Variants in SPAG16 observed in about 807,000 individuals in gnomAD.
SPAG16 encodes the protein sperm-associated antigen 16 protein.
A neutral mutation model predicts 80.4 loss-of-function variants in SPAG16; 86 were observed. That is an observed-to-expected ratio of 1.07 (90% CI 0.90 to 1.28). SPAG16 has a LOEUF of 1.28. Among genes scored for constraint, SPAG16 ranks in the 50% most tolerant of loss-of-function variants. SPAG16 has a pLI of 0.00. For synonymous variants in SPAG16, 294 were observed against 265.9 expected (o/e 1.11, Z -1.03); for missense variants, 870 against 765.3 (o/e 1.14, Z -1.61).
chr2:213,639,554 G>A (rs571487079), intron 10 of SPAG16, among the ~76,000 whole-genome samples: 1 of 152,118 alleles, frequency 6.6e-6, no homozygotes, highest in African/African-American at 2.4e-5. Context: ...TTTTTAAGGA[G>A]GCTAAAGATA....
chr2:213,940,993 A>C (rs1193726547), intron 12 of SPAG16, among the ~76,000 whole-genome samples: 1 of 152,202 alleles, frequency 6.6e-6, no homozygotes, highest in African/African-American at 2.4e-5. Context: ...ACCACTGAGG[A>C]ACCAATCCCT....
chr2:213,980,124 G>T (rs2106410357), intron 12 of SPAG16, among the ~76,000 whole-genome samples: 1 of 150,816 alleles, frequency 6.6e-6, no homozygotes, highest in Non-Finnish European at 1.5e-5. Flanking sequence ...GGCTGAGGTG[G>T]GTAGATCACG....
At chr2:213,438,404 T>C (rs2070757273) in intron 9 of SPAG16, among the ~76,000 whole-genome samples, 1 of 152,216 alleles carries the variant, frequency 6.6e-6, no homozygotes. Context: ...TTTAAACCTG[T>C]GATGGCAAGC....
At chr2:213,566,919 A>G (rs1224335118) in intron 10 of SPAG16, among the ~76,000 whole-genome samples, 2 of 152,196 alleles carry the variant, frequency 1.3e-5, no homozygotes, top group Non-Finnish European at 2.9e-5. Flanking sequence ...TTTTCTGAAC[A>G]CATCTTTTGA....
intron 10 of SPAG16, among the ~76,000 whole-genome samples, chr2:213,614,484 C>T (rs1426985204): frequency 6.6e-6 from 1 of 152,168 alleles, no homozygotes; most frequent in East Asian, 1.9e-4. Flanking sequence ...TGATGCCTGG[C>T]TTATTGCAGA....
chr2:213,432,134 A>T (rs1239730686), intron 9 of SPAG16, among the ~76,000 whole-genome samples: 2 of 152,126 alleles, frequency 1.3e-5, no homozygotes, highest in Non-Finnish European at 2.9e-5. Context: ...TGGCTGCATT[A>T]AAAGAAGAAA....
At chr2:214,167,778 A>G (rs1443335375) in intron 15 of SPAG16, among the ~76,000 whole-genome samples, 1 of 151,586 alleles carries the variant, frequency 6.6e-6, no homozygotes, top group Admixed American at 6.6e-5. Flanking sequence ...TATATATTTG[A>G]TAATATAATG....
chr2:213,585,004 C>A (rs1055863759), intron 10 of SPAG16, among the ~76,000 whole-genome samples: 1 of 151,292 alleles, frequency 6.6e-6, no homozygotes, highest in Non-Finnish European at 1.5e-5. Flanking sequence ...GCCTGGCCAA[C>A]ATGGCGAAAC....
intron 11 of SPAG16, among the ~76,000 whole-genome samples, chr2:213,880,741 C>G (rs1233615880): frequency 6.6e-6 from 1 of 152,100 alleles, no homozygotes; most frequent in Non-Finnish European, 1.5e-5. Context: ...GAGTCCTTTC[C>G]CCATCGCATA....
chr2:213,441,493 C>A (rs1341837475), intron 9 of SPAG16, among the ~76,000 whole-genome samples: 1 of 152,126 alleles, frequency 6.6e-6, no homozygotes, highest in African/African-American at 2.4e-5. Flanking sequence ...GGGGTAGTGA[C>A]AAAATGGAAT....
chr2:213,942,793 G>T (rs1401144334), intron 12 of SPAG16, among the ~76,000 whole-genome samples: 1 of 152,140 alleles, frequency 6.6e-6, no homozygotes, highest in African/African-American at 2.4e-5. Context: ...TCAAAAGTGT[G>T]CATATAGGAA....
At chr2:213,749,649 T>C (rs1438298096) in intron 10 of SPAG16, among the ~76,000 whole-genome samples, 1 of 152,244 alleles carries the variant, frequency 6.6e-6, no homozygotes, top group Non-Finnish European at 1.5e-5. Flanking sequence ...TTAAACTGCT[T>C]AAGCTAAAGA....
intron 11 of SPAG16, among the ~76,000 whole-genome samples, chr2:213,909,468 T>G (rs1254712328): frequency 6.6e-6 from 1 of 152,136 alleles, no homozygotes. Flanking sequence ...GCTACCTGAC[T>G]TCAAACTATA....
intron 11 of SPAG16, among the ~76,000 whole-genome samples, chr2:213,908,313 C>A (rs576302925): frequency 6.6e-6 from 1 of 152,190 alleles, no homozygotes; most frequent in African/African-American, 2.4e-5. Context: ...TGCTGTTCTG[C>A]ACATCATTCT....
chr2:213,773,187 C>G (rs1055253757), intron 10 of SPAG16, among the ~76,000 whole-genome samples: 3 of 151,776 alleles, frequency 2.0e-5, no homozygotes, highest in Non-Finnish European at 4.4e-5. Flanking sequence ...TGATGGACAT[C>G]ATGTCTTAGT....
At chr2:213,699,779 A>C (rs1394290274) in intron 10 of SPAG16, among the ~76,000 whole-genome samples, 1 of 152,186 alleles carries the variant, frequency 6.6e-6, no homozygotes, top group Non-Finnish European at 1.5e-5. Flanking sequence ...ATGTGATAAG[A>C]AAGGCCTGGG....
chr2:213,522,814 T>TATATAA (rs751308255), intron 10 of SPAG16, among the ~76,000 whole-genome samples: 4 of 148,626 alleles, frequency 2.7e-5, no homozygotes, highest in Non-Finnish European at 5.9e-5. Flanking sequence ...TATATATATA[T>TATATAA]AACAAACTTA....
intron 13 of SPAG16, among the ~76,000 whole-genome samples, chr2:214,107,386 G>A (rs2053438071): frequency 1.3e-5 from 2 of 152,078 alleles, no homozygotes; most frequent in African/African-American, 2.4e-5. Context: ...CAAGCACATA[G>A]CAAGACTCTC....
intron 15 of SPAG16, among the ~76,000 whole-genome samples, chr2:214,336,864 T>C (rs1697325041): frequency 7.8e-6 from 1 of 128,430 alleles, no homozygotes; most frequent in African/African-American, 2.5e-5. Flanking sequence ...TTTTTATAAA[T>C]ATTCAGAAAG....
Sources: allele counts gnomAD v4.1 joint callset (sites outside exome capture counted in the v4.1 genomes callset), GRCh38; gene constraint gnomAD v4.1.1; transcripts MANE v1.5; gene names NCBI Gene and HGNC (gene_info 2026-07-23, HGNC 2026-07-21).